Variants in CDC73 observed in about 807,000 individuals in gnomAD.
CDC73 encodes parafibromin.
A neutral mutation model predicts 83.7 loss-of-function variants in CDC73; 21 were observed. The observed-to-expected ratio is 0.25, with a 90% CI of 0.18 to 0.36. The LOEUF is 0.36. Ranked by LOEUF, CDC73 falls within the 10% of genes least tolerant of loss-of-function variation. The pLI is 1.00. For synonymous variants in CDC73, 224 were observed against 212.9 expected, an observed-to-expected ratio of 1.05 and a Z score of -0.45; for missense variants, 342 against 653.3, an observed-to-expected ratio of 0.52 and a Z score of 5.19.
intron 10 of CDC73, among the ~76,000 whole-genome samples, chr1:193,161,488 T>C (rs1316561516): frequency 6.8e-6 from 1 of 146,156 alleles, no homozygotes; most frequent in Admixed American, 7.3e-5. Context: ...TACATTTAGA[T>C]TTTTGAAACT....
intron 15 of CDC73, among the ~76,000 whole-genome samples, chr1:193,245,746 C>T (rs893258296): frequency 1.3e-5 from 2 of 152,040 alleles, no homozygotes; most frequent in African/African-American, 2.4e-5. Context: ...TTTATATTCC[C>T]ACCAACAATG....
At chr1:193,147,427 G>C (rs1174343529) in intron 7 of CDC73, among the ~76,000 whole-genome samples, 1 of 150,752 alleles carries the variant, frequency 6.6e-6, no homozygotes, top group Non-Finnish European at 1.5e-5. Flanking sequence ...GAGTGCAGTG[G>C]CATGATCTTG....
intron 10 of CDC73, among the ~76,000 whole-genome samples, chr1:193,169,373 T>C (rs1392230546): frequency 6.6e-6 from 1 of 152,066 alleles, no homozygotes; most frequent in African/African-American, 2.4e-5. Flanking sequence ...GGTGAAATCC[T>C]GTCTCTACTA....
intron 13 of CDC73, among the ~76,000 whole-genome samples, chr1:193,217,790 C>T (rs1451935840): frequency 6.6e-6 from 1 of 151,984 alleles, no homozygotes; most frequent in Non-Finnish European, 1.5e-5. Context: ...AGGGTGGAGC[C>T]CTAGCCAGGG....
At chr1:193,222,713 C>T (rs1223549542) in intron 13 of CDC73, among the ~76,000 whole-genome samples, 1 of 148,228 alleles carries the variant, frequency 6.7e-6, no homozygotes, top group Non-Finnish European at 1.5e-5. Context: ...TGTTTTTCAT[C>T]AGTTCTCAAA....
At chr1:193,169,648 C>T (rs189937145) in intron 10 of CDC73, among the ~76,000 whole-genome samples, 1 of 152,092 alleles carries the variant, frequency 6.6e-6, no homozygotes, top group Admixed American at 6.5e-5. Flanking sequence ...TTATGAGATG[C>T]AAGAATATTA....
chr1:193,193,866 A>G (rs1676960113), intron 10 of CDC73, among the ~76,000 whole-genome samples: 1 of 151,634 alleles, frequency 6.6e-6, no homozygotes, highest in African/African-American at 2.4e-5. Flanking sequence ...AGTTAAGTAT[A>G]CATACAGATT....
At chr1:193,150,917 T>C (rs1000210398) in intron 9 of CDC73, among the ~76,000 whole-genome samples, 3 of 152,236 alleles carry the variant, frequency 2.0e-5, no homozygotes, top group African/African-American at 4.8e-5. Context: ...TTTGCTGTTA[T>C]TCATACTGCT....
rs1678079992 is a variant in CDC73 at position 193,253,682 on chromosome 1, A to G, written c.*2970A>G. 1 of 231,754 alleles carries G rather than the reference A, an allele frequency of 4.3e-6. No individual in the cohort carries two copies. Among genetic ancestry groups the G allele is most frequent in the South Asian group, 1.8e-4 (1 of 5,528 alleles). 14.4% of individuals were successfully genotyped at this position (231,754 alleles called of 1,614,324 possible). A position where few individuals can be genotyped will look rare whatever the true frequency, so the allele number is the denominator to read the frequency against. The stretch of plus-strand genomic sequence containing the variant: ...TAAAAACAACTAATTCATAATGAGG[A>G]AAATCTCATAATTTTTAAGGCAGAA... On this transcript the variant is annotated 3_prime_UTR_variant, in exon 17 of 17. Transcript: ENST00000367435.
At chr1:193,161,667 C>CA (rs1462587718) in intron 10 of CDC73, among the ~76,000 whole-genome samples, 532 of 31,016 alleles carry the variant, frequency 0.017, 138 homozygotes, top group African/African-American at 0.076. Context: ...TATTATATAT[C>CA]TATCATATAA....
chr1:193,207,332 G>T (rs912831547), intron 11 of CDC73, among the ~76,000 whole-genome samples: 2 of 152,184 alleles, frequency 1.3e-5, no homozygotes, highest in Admixed American at 1.3e-4. Flanking sequence ...GTCCCTCTCT[G>T]CACATATTGT....
chr1:193,200,064 CAAAA>C (rs34458896), intron 10 of CDC73, among the ~76,000 whole-genome samples: 2 of 138,950 alleles, frequency 1.4e-5, no homozygotes, highest in African/African-American at 2.7e-5. Context: ...CTGTCTCCAC[CAAAA>C]AAAAAAAAAA....
At chr1:193,233,644 C>A (rs1677700025) in intron 14 of CDC73, among the ~76,000 whole-genome samples, 1 of 152,108 alleles carries the variant, frequency 6.6e-6, no homozygotes, top group South Asian at 2.1e-4. Flanking sequence ...TGTTCCGGAT[C>A]AGCTTGTAGA....
chr1:193,187,510 G>A (rs1455280440), intron 10 of CDC73, among the ~76,000 whole-genome samples: 2 of 152,014 alleles, frequency 1.3e-5, no homozygotes, highest in Admixed American at 1.3e-4. Flanking sequence ...TTTTCTTACT[G>A]CAGAGCAGTA....
At chr1:193,245,610 T>C (rs757763400) in intron 15 of CDC73, among the ~76,000 whole-genome samples, 4 of 152,174 alleles carry the variant, frequency 2.6e-5, no homozygotes, top group Non-Finnish European at 5.9e-5. Flanking sequence ...GGTGCAGATA[T>C]CTCTTCAGTA....
chr1:193,172,599 C>G (rs1024415071), intron 10 of CDC73, among the ~76,000 whole-genome samples: 4 of 151,970 alleles, frequency 2.6e-5, no homozygotes, highest in African/African-American at 4.8e-5. Flanking sequence ...TTTGACAACC[C>G]GGGAACCATC....
intron 10 of CDC73, among the ~76,000 whole-genome samples, chr1:193,194,504 C>G (rs1676968576): frequency 6.6e-6 from 1 of 152,134 alleles, no homozygotes; most frequent in South Asian, 2.1e-4. Context: ...TCTACCTTAT[C>G]CATGTTTCTC....
chr1:193,155,389 G>A (rs1701573310), intron 10 of CDC73, among the ~76,000 whole-genome samples: 1 of 152,178 alleles, frequency 6.6e-6, no homozygotes, highest in Non-Finnish European at 1.5e-5. Context: ...AGATTCCAGA[G>A]GCCCAAGCCA....
rs74130925 is a variant in CDC73 at position 193,152,164 on chromosome 1, G to A, written c.908-216G>A. On this transcript the variant is annotated intron_variant, in intron 9 of 16. Coordinates refer to ENST00000367435, the MANE Select transcript of CDC73 (RefSeq NM_024529.5). The stretch of plus-strand genomic sequence containing the variant: ...TAACCAGCTTCTATACAATAGGCTT[G>A]CTGGTCTGTATTTAATATATTAATA... Among the ~76,000 whole-genome samples the A allele has an allele frequency of 0.042, 6,383 of 152,102 alleles. 427 individuals are homozygous for A. The highest frequency in any genetic ancestry group is 0.15 in the African/African-American group (6,025 of 41,444).
Sources: allele counts gnomAD v4.1 joint callset (sites outside exome capture counted in the v4.1 genomes callset), GRCh38; gene constraint gnomAD v4.1.1; transcripts MANE v1.5; gene names NCBI Gene and HGNC (gene_info 2026-07-23, HGNC 2026-07-21).